The following MED12L variants were observed in gnomAD, a reference collection of about 807,000 sequenced individuals.
The protein encoded by MED12L is mediator of RNA polymerase II transcription subunit 12-like protein.
MED12L carries 60 observed loss-of-function variants against 281.3 expected under a neutral mutation model. The ratio of observed to expected loss-of-function variants is 0.21; its 90% CI spans 0.17 to 0.26. The LOEUF is 0.26. MED12L is among the 10% of genes least tolerant of loss of function. The pLI, the probability that MED12L is intolerant of heterozygous loss-of-function variation, is 1.00. For synonymous variants in MED12L, 974 were observed against 987.2 expected (o/e 0.99, Z 0.25); for missense variants, 2,146 against 2,680.9 (o/e 0.80, Z 4.41).
chr3:151,383,548 A>G (rs1712778558), intron 33 of MED12L, among the ~76,000 whole-genome samples: 1 of 152,216 alleles, frequency 6.6e-6, no homozygotes. Flanking sequence ...CCACATTCAG[A>G]TACTCACGTC....
intron 16 of MED12L, among the ~76,000 whole-genome samples, chr3:151,302,780 A>G (rs918581842): frequency 1.3e-5 from 2 of 152,140 alleles, no homozygotes; most frequent in Admixed American, 6.5e-5. Flanking sequence ...GATCTCTTTC[A>G]TAAGGTCGTT....
At chr3:151,282,357 T>G (rs1414671803) in intron 16 of MED12L, among the ~76,000 whole-genome samples, 2 of 135,080 alleles carry the variant, frequency 1.5e-5, no homozygotes, top group South Asian at 2.5e-4. Context: ...AGTTTTTTTT[T>G]GTTTTTTTTT....
At chr3:151,285,210 CGT>C (rs1386882007) in intron 16 of MED12L, among the ~76,000 whole-genome samples, 1 of 152,072 alleles carries the variant, frequency 6.6e-6, no homozygotes, top group East Asian at 1.9e-4. Context: ...ACTGGCCGGA[CGT>C]GGTGGCTCAC....
At chr3:151,302,559 T>C (rs941878809) in intron 16 of MED12L, among the ~76,000 whole-genome samples, 6 of 152,260 alleles carry the variant, frequency 3.9e-5, no homozygotes, top group Non-Finnish European at 8.8e-5. Flanking sequence ...GCTTCTGTTA[T>C]TTCCATTAAT....
At chr3:151,347,494 CTTCTGT>C (rs1752677328) in intron 16 of MED12L, among the ~76,000 whole-genome samples, 2 of 152,190 alleles carry the variant, frequency 1.3e-5, no homozygotes, top group Admixed American at 1.3e-4. Context: ...ACTTCCCCTC[CTTCTGT>C]GGGGAGGTTT....
At chr3:151,380,269 G>C in intron 32 of MED12L, 45 bp downstream of exon 32, 1 of 1,299,206 alleles carries the variant, frequency 7.7e-7, no homozygotes, top group Non-Finnish European at 1.1e-6. Context: ...TCTTTCTAAC[G>C]GCATTCATTT....
At chr3:151,346,989 A>G (rs1752626452) in intron 16 of MED12L, among the ~76,000 whole-genome samples, 2 of 152,192 alleles carry the variant, frequency 1.3e-5, no homozygotes, top group Non-Finnish European at 2.9e-5. Context: ...TTATTAGTAT[A>G]CATTATAAAT....
chr3:151,102,564 C>G (rs972042641), intron 2 of MED12L, among the ~76,000 whole-genome samples: 3 of 152,094 alleles, frequency 2.0e-5, no homozygotes, highest in Non-Finnish European at 4.4e-5. Flanking sequence ...TTCACTGCAA[C>G]CTCTACCTTC....
At chr3:151,348,445 C>T (rs1189345854) in intron 16 of MED12L, among the ~76,000 whole-genome samples, 4 of 151,892 alleles carry the variant, frequency 2.6e-5, no homozygotes, top group African/African-American at 9.7e-5. Context: ...TTCAGATGCG[C>T]AGCCAGCTCT....
At chr3:151,383,168 A>G (rs11713504) in intron 33 of MED12L, among the ~76,000 whole-genome samples, 46,110 of 152,174 alleles carry the variant, frequency 0.3, 7,744 homozygotes, top group Non-Finnish European at 0.38. Context: ...AGTTTTATAG[A>G]AATTTAAAAT....
At chr3:151,310,582 C>A (rs1243474086) in intron 16 of MED12L, among the ~76,000 whole-genome samples, 1 of 152,170 alleles carries the variant, frequency 6.6e-6, no homozygotes, top group African/African-American at 2.4e-5. Context: ...ATTATGCCTT[C>A]TTGTTTTCCT....
chr3:151,281,255 A>AAG (rs1398455685), intron 16 of MED12L, among the ~76,000 whole-genome samples: 2 of 148,860 alleles, frequency 1.3e-5, no homozygotes, highest in Non-Finnish European at 3.0e-5. Context: ...AAAAAAAAAA[A>AAG]AAAAGTTAGC....
intron 16 of MED12L, among the ~76,000 whole-genome samples, chr3:151,249,326 T>G (rs1736391368): frequency 6.6e-6 from 1 of 152,204 alleles, no homozygotes; most frequent in South Asian, 2.1e-4. Flanking sequence ...GAAGTATTTT[T>G]AAGTTGTAAT....
Position 151,356,917 on chromosome 3 carries a change from AG to A in MED12L, c.2662-292del, listed in dbSNP as rs1753999023. Among the ~76,000 whole-genome samples the A allele has an allele frequency of 5.9e-5, 9 of 152,200 alleles. No homozygotes were observed. In the South Asian group the frequency reaches 1.9e-3, roughly 32 times the overall value. ...AACTTTCATTTTATTAAAAAGACAA[AG>A]GGGAGAAAAGTGAGGGGTGGGGTTT... On this transcript the variant is annotated intron_variant, in intron 19 of 44. Coordinates refer to ENST00000687756, the MANE Select transcript of MED12L (RefSeq NM_001393769.1).
intron 43 of MED12L, chr3:151,425,367 GTCAAAATACA>G (rs1405884083): frequency 1.9e-5 from 4 of 208,924 alleles, no homozygotes; most frequent in Non-Finnish European, 3.0e-5. Flanking sequence ...TTAGAGATCA[GTCAAAATACA>G]TCAAAATACA....
intron 16 of MED12L, among the ~76,000 whole-genome samples, chr3:151,207,879 A>G (rs1285285417): frequency 6.6e-6 from 1 of 152,182 alleles, no homozygotes; most frequent in Admixed American, 6.5e-5. Flanking sequence ...AAGTCTGAGG[A>G]GAGAGGCAGC....
At chr3:151,113,525 G>C (rs920181181) in intron 2 of MED12L, among the ~76,000 whole-genome samples, 1 of 152,212 alleles carries the variant, frequency 6.6e-6, no homozygotes, top group Non-Finnish European at 1.5e-5. Context: ...GTGGCCTTCA[G>C]GGGGCAAGGG....
Position 151,193,664 on chromosome 3 carries a change from C to T in MED12L, c.2248C>T (p.Leu750=), listed in dbSNP as rs138501826. 1.3e-4 allele frequency: 215 copies of T among 1,611,472 alleles called. No homozygotes were observed. Among genetic ancestry groups the T allele is most frequent in the Non-Finnish European group, 1.7e-4 (206 of 1,178,082 alleles). The change falls in exon 16 of 45, where the codon CTG becomes TTG. Residue 750 remains leucine (L), a splice_region_variant and synonymous_variant. Coordinates refer to ENST00000687756, the MANE Select transcript of MED12L (RefSeq NM_001393769.1). ...GTATGCAACACATTTTCCTATACCT[C>T]TGGTAAGTCATTGCTTCAGTTAATC... ...LQYATHFPIP[L]DESSSHECNQ... is the part of the protein sequence containing the mutation.
chr3:151,383,956 G>C, intron 34 of MED12L, 68 bp downstream of exon 34: 1 of 1,498,346 alleles, frequency 6.7e-7, no homozygotes, highest in Admixed American at 1.9e-5. Flanking sequence ...ATATACTGAT[G>C]GCGATTTCTG....
Sources: allele counts gnomAD v4.1 joint callset (sites outside exome capture counted in the v4.1 genomes callset), GRCh38; gene constraint gnomAD v4.1.1; transcripts MANE v1.5; gene names NCBI Gene and HGNC (gene_info 2026-07-23, HGNC 2026-07-21).